SLC12A1: variants seen among roughly 807,000 people sequenced by gnomAD.
SLC12A1 encodes the protein solute carrier family 12 member 1.
SLC12A1 carries 89 observed loss-of-function variants against 130.4 expected under a neutral mutation model. The observed-to-expected ratio is 0.68, with a 90% CI of 0.58 to 0.81. The LOEUF (loss-of-function observed/expected upper bound fraction) is 0.81. Among genes scored for constraint, SLC12A1 ranks in the 40% least tolerant of loss-of-function variants. The pLI is 0.00. For synonymous variants in SLC12A1, 499 were observed against 460.0 expected (o/e 1.08, Z -1.09); for missense variants, 1,310 against 1,336.4 (o/e 0.98, Z 0.31).
chr15:48,229,390 AG>A, intron 6 of SLC12A1, 62 bp downstream of exon 6: 1 of 1,471,692 alleles, frequency 6.8e-7, no homozygotes. Context: ...TTGCCTTCTC[AG>A]GGCACTAAGG....
At chr15:48,270,767 TATATATATATATATATATAC>T (rs1195706954) in intron 19 of SLC12A1, among the ~76,000 whole-genome samples, 2 of 113,294 alleles carry the variant, frequency 1.8e-5, no homozygotes, top group African/African-American at 3.0e-5. Context: ...TATATATATA[TATATATATATATATATATAC>T]ACACACACAC....
At position 48,249,592 on chromosome 15, in the gene SLC12A1, G is replaced by T; in HGVS notation, c.1702G>T (p.Ala568Ser). Residue 568 changes from alanine to serine, a missense_variant, in exon 14 of 27, where the codon GCT becomes TCT. Transcript: ENST00000380993. ...FILIAELNTI[A>S]PIISNFFLAS... The stretch of plus-strand genomic sequence containing the variant: ...TTTTACAGCGGAACTGAACACCATT[G>T]CTCCCATCATCTCCAACTTTTTCCT... The T allele has an allele frequency of 6.2e-7, 1 of 1,613,662 alleles. No individual in the cohort carries two copies. The highest frequency in any genetic ancestry group is 8.5e-7 in the Non-Finnish European group (1 of 1,179,662).
At chr15:48,245,737 C>T (rs1324042315) in intron 11 of SLC12A1, among the ~76,000 whole-genome samples, 2 of 152,116 alleles carry the variant, frequency 1.3e-5, no homozygotes, top group Non-Finnish European at 2.9e-5. Context: ...CATACAGATG[C>T]CTGGATCTTT....
chr15:48,214,506 C>A (rs192659522), intron 2 of SLC12A1, among the ~76,000 whole-genome samples: 2 of 152,048 alleles, frequency 1.3e-5, no homozygotes, highest in African/African-American at 4.8e-5. Flanking sequence ...ACTATGATTA[C>A]AAATTGTGAC....
Position 48,265,177 on chromosome 15 carries a change from G to A in SLC12A1, c.2155-2384G>A, listed in dbSNP as rs186970282. Reference sequence around the variant, plus strand: ...ACATTAATAAGTGTGCTACAATGATGTTATAATCGTTTTTAGCAAAGAGAG... The same window carrying A: ...ACATTAATAAGTGTGCTACAATGATATTATAATCGTTTTTAGCAAAGAGAG... On this transcript the variant is annotated intron_variant, in intron 17 of 26. Transcript: ENST00000380993. Among the ~76,000 whole-genome samples, 114 of 152,292 alleles carry A rather than the reference G, an allele frequency of 7.5e-4. 1 individual carries two copies. The highest frequency in any genetic ancestry group is 1.4e-3 in the Non-Finnish European group (97 of 68,010).
intron 10 of SLC12A1, among the ~76,000 whole-genome samples, chr15:48,242,679 A>G (rs2041531007): frequency 6.6e-6 from 1 of 152,084 alleles, no homozygotes; most frequent in Non-Finnish European, 1.5e-5. Flanking sequence ...GCACACACCT[A>G]TGATCCCAGC....
At chr15:48,225,514 GCCAGGAGTTTGAGA>G (rs1426094562) in intron 4 of SLC12A1, 5 of 152,240 alleles carry the variant, frequency 3.3e-5, no homozygotes, top group Non-Finnish European at 7.3e-5. Flanking sequence ...ATGACTTGAG[GCCAGGAGTTTGAGA>G]CCAGCCTGGA....
In SLC12A1 at chr15:48,226,488, TC is replaced by T; in HGVS notation, c.642del (p.Ile215Ter). 2.5e-6 allele frequency: 4 copies of T among 1,590,946 alleles called. No individual in the cohort carries two copies. Among genetic ancestry groups the T allele is most frequent in the Non-Finnish European group, 3.4e-6 (4 of 1,167,238 alleles). ...VGEAGIGLGV[L>X]IILLSTMVTS... ...TCATTGCTAACAGGTCTTGGAGTTC[TC>T]ATAATTCTTCTTTCCACCATGGTAA... On this transcript the variant is annotated frameshift_variant, in exon 5 of 27. Coordinates refer to ENST00000380993, the MANE Select transcript of SLC12A1 (RefSeq NM_000338.3). LOFTEE classifies it high-confidence loss of function.
chr15:48,266,561 C>G (rs111280123), intron 17 of SLC12A1, among the ~76,000 whole-genome samples: 3,765 of 151,862 alleles, frequency 0.025, 75 homozygotes, highest in African/African-American at 0.047. Context: ...CCTCCAGGAG[C>G]TTGTTAGAAA....
chr15:48,256,446 T>C (rs2041707801), intron 16 of SLC12A1, among the ~76,000 whole-genome samples: 2 of 152,134 alleles, frequency 1.3e-5, no homozygotes, highest in Non-Finnish European at 2.9e-5. Context: ...GGGGACTGTA[T>C]TAGTCCATTT....
chr15:48,232,367 T>A (rs147100565), intron 7 of SLC12A1, among the ~76,000 whole-genome samples: 44 of 152,354 alleles, frequency 2.9e-4, no homozygotes, highest in African/African-American at 1.0e-3. Context: ...ATAAGTGCTC[T>A]GCTGAAAACA....
At chr15:48,234,458 T>C (rs896098847) in intron 8 of SLC12A1, among the ~76,000 whole-genome samples, 6 of 152,302 alleles carry the variant, frequency 3.9e-5, no homozygotes, top group East Asian at 3.9e-4. Flanking sequence ...AATATAGGAA[T>C]GTGGCCGGGC....
chr15:48,240,064 TATATATCC>T (rs2041493005), intron 9 of SLC12A1, among the ~76,000 whole-genome samples: 3 of 99,762 alleles, frequency 3.0e-5, no homozygotes, highest in African/African-American at 1.2e-4. Flanking sequence ...TATATATATA[TATATATCC>T]ATATATATAT....
At chr15:48,259,662 G>A (rs2041748112) in intron 17 of SLC12A1, among the ~76,000 whole-genome samples, 1 of 152,154 alleles carries the variant, frequency 6.6e-6, no homozygotes, top group African/African-American at 2.4e-5. Context: ...GAGCCAAATA[G>A]AGCACTATTA....
intron 13 of SLC12A1, among the ~76,000 whole-genome samples, chr15:48,248,922 T>C (rs368181768): frequency 1.9e-4 from 29 of 152,252 alleles, no homozygotes; most frequent in African/African-American, 6.3e-4. Flanking sequence ...TGGGTGCCTA[T>C]AGTCCCAGCT....
At chr15:48,206,830 T>C (rs1276927209) in intron 1 of SLC12A1, among the ~76,000 whole-genome samples, 5 of 152,160 alleles carry the variant, frequency 3.3e-5, no homozygotes, top group Non-Finnish European at 7.4e-5. Context: ...TTATTTCTTA[T>C]AGATATATGA....
intron 2 of SLC12A1, chr15:48,217,760 G>C (rs571647701): frequency 6.6e-6 from 1 of 152,152 alleles, no homozygotes; most frequent in African/African-American, 2.4e-5. Context: ...TAGAGATCAC[G>C]AACTTTCAAG....
chr15:48,232,045 T>C (rs1341323762), intron 7 of SLC12A1, among the ~76,000 whole-genome samples: 1 of 152,036 alleles, frequency 6.6e-6, no homozygotes, highest in Non-Finnish European at 1.5e-5. Context: ...ACATAAAAGA[T>C]TAAATTTTCA....
chr15:48,232,925 C>A, intron 8 of SLC12A1, 87 bp downstream of exon 8: 1 of 773,972 alleles, frequency 1.3e-6, no homozygotes, highest in Middle Eastern at 2.4e-4. Flanking sequence ...CCCCAGCCTT[C>A]GGAATGCCTG....
Sources: gnomAD v4.1 joint callset for allele counts (sites outside exome capture counted in the v4.1 genomes callset) on GRCh38, gnomAD v4.1.1 for gene constraint, MANE v1.5 for transcripts, NCBI Gene and HGNC (gene_info 2026-07-23, HGNC 2026-07-21) for gene names.